The following RNFT2 variants were observed in gnomAD, a reference collection of about 807,000 sequenced individuals.
RNFT2 encodes the protein E3 ubiquitin-protein ligase RNFT2.
Under a neutral mutation model 53.0 loss-of-function variants are expected in RNFT2, and 36 were observed. The observed-to-expected ratio is 0.68, with a 90% CI of 0.52 to 0.90. The LOEUF (loss-of-function observed/expected upper bound fraction) is 0.90. Among genes scored for constraint, RNFT2 ranks in the 40% least tolerant of loss-of-function variants. The pLI is 0.00. For synonymous variants in RNFT2, 260 were observed against 253.2 expected (o/e 1.03, Z -0.26); for missense variants, 514 against 585.6 (o/e 0.88, Z 1.26).
chr12:116,836,074 T>A (rs1876950404), intron 9 of RNFT2, 49 bp downstream of exon 9: 1 of 1,608,130 alleles, frequency 6.2e-7, no homozygotes, highest in African/African-American at 1.3e-5. Context: ...AATCAGGAAC[T>A]GGAAACAGCA....
intron 10 of RNFT2, among the ~76,000 whole-genome samples, chr12:116,843,439 G>A: frequency 7.7e-6 from 1 of 129,212 alleles, no homozygotes; most frequent in Admixed American, 9.9e-5. Flanking sequence ...GCTGCAGTGA[G>A]CCTTAATCAC....
At position 116,841,924 on chromosome 12, in the gene RNFT2, T is replaced by A. The variant is rs1484443794; in HGVS notation, c.1200+5642T>A. On this transcript the variant is annotated intron_variant, in intron 10 of 10. Transcript: ENST00000257575. Reference sequence around the variant, plus strand: ...ATATATATAAATATATATATAAAAATATATATATATAAATATATATATAAA... The same window carrying A: ...ATATATATAAATATATATATAAAAAAATATATATATAAATATATATATAAA... Among the ~76,000 whole-genome samples, 15 of 34,058 alleles carry A rather than the reference T, an allele frequency of 4.4e-4. 1 individual carries two copies. Among genetic ancestry groups the A allele is most frequent in the Admixed American group, 1.2e-3 (2 of 1,638 alleles). The allele number at this position is 34,058 out of a possible 152,430, so 22.3% of individuals were successfully genotyped here. A position where few individuals can be genotyped will look rare whatever the true frequency, so the allele number is the denominator to read the frequency against.
rs1417432742 is a variant in RNFT2, at chr12:116,850,051, G to T, written c.*603G>T. 6.6e-6 allele frequency: 1 copy of T among 150,990 alleles called. No homozygotes were observed. The highest frequency in any genetic ancestry group is 1.5e-5 in the Non-Finnish European group (1 of 67,966). The allele number at this position is 150,990 out of a possible 1,614,324, so 9.4% of individuals were successfully genotyped here. On this transcript the variant is annotated 3_prime_UTR_variant, in exon 11 of 11. Coordinates refer to ENST00000257575, the MANE Select transcript of RNFT2 (RefSeq NM_001382266.1). Reference sequence around the variant, plus strand: ...GTAGAGACAGGGTTTTGCCATGTTGGCCAGGCTGGTCTCCAACTCTTGACC... The same window carrying T: ...GTAGAGACAGGGTTTTGCCATGTTGTCCAGGCTGGTCTCCAACTCTTGACC...
intron 4 of RNFT2, among the ~76,000 whole-genome samples, chr12:116,752,830 A>G (rs945149227): frequency 6.6e-6 from 1 of 152,130 alleles, no homozygotes; most frequent in African/African-American, 2.4e-5. Context: ...GTGAGCTGAG[A>G]TCGCACCACT....
chr12:116,740,129 G>A (rs781092237), intron 1 of RNFT2, among the ~76,000 whole-genome samples: 2 of 151,748 alleles, frequency 1.3e-5, no homozygotes, highest in African/African-American at 2.4e-5. Flanking sequence ...CAGGAGAATC[G>A]CTTGAACCTG....
At position 116,750,244 on chromosome 12, in the gene RNFT2, CT is replaced by C. The variant is rs746719456; in HGVS notation, c.488del (p.Leu163ProfsTer9). On this transcript the variant is annotated frameshift_variant, in exon 4 of 11. Transcript: ENST00000257575. LOFTEE classifies it high-confidence loss of function. Reference sequence around the variant, plus strand: ...CGAGCTGAAGGCTGTGATCTGCTGGCTCCAGAAAGGACTCCCCTTCATCCTG... The same window carrying C: ...CGAGCTGAAGGCTGTGATCTGCTGGCCCAGAAAGGACTCCCCTTCATCCTG... ...LSELKAVICW[L>X]QKGLPFILIL... 6.2e-7 allele frequency: 1 copy of C among 1,607,964 alleles called. No homozygotes were observed. Among genetic ancestry groups the C allele is most frequent in the Admixed American group, 1.7e-5 (1 of 59,918 alleles).
intron 4 of RNFT2, among the ~76,000 whole-genome samples, chr12:116,750,797 GTATATATATATAATA>G (rs1872156604): frequency 5.1e-5 from 4 of 77,930 alleles, no homozygotes; most frequent in Admixed American, 1.9e-4. Context: ...ATGTGTGTGT[GTATATATATATAATA>G]TATATATTAT....
rs1397305774 is a variant in RNFT2, at chr12:116,750,116, G to A, written c.359G>A (p.Gly120Asp). 1 of 1,564,328 alleles carries A rather than the reference G, an allele frequency of 6.4e-7. No individual in the cohort carries two copies. The highest frequency in any genetic ancestry group is 1.2e-5 in the South Asian group (1 of 85,968). Residue 120 changes from glycine (G) to aspartate (D), a missense_variant, in exon 4 of 11, where the codon GGC becomes GAC. Physicochemically the swap from Gly to Asp is moderately conservative, Grantham distance 94 (BLOSUM62 -1). Coordinates refer to ENST00000257575, the MANE Select transcript of RNFT2 (RefSeq NM_001382266.1). ...RQPHHHFHHG[G>D]HRGGSLLQHV... is the part of the protein sequence containing the mutation. Reference sequence around the variant, plus strand: ...CCCCACCACCATTTCCACCATGGCGGCCACCGCGGGGGCTCCCTGCTGCAG... The same window carrying A: ...CCCCACCACCATTTCCACCATGGCGACCACCGCGGGGGCTCCCTGCTGCAG...
chr12:116,742,675 A>G (rs888910574), intron 3 of RNFT2, among the ~76,000 whole-genome samples: 4 of 151,996 alleles, frequency 2.6e-5, no homozygotes, highest in Non-Finnish European at 5.9e-5. Context: ...CCATGCAGTG[A>G]CTCACGCCTG....
chr12:116,760,238 C>A (rs528352684), intron 5 of RNFT2, among the ~76,000 whole-genome samples: 1 of 152,258 alleles, frequency 6.6e-6, no homozygotes, highest in African/African-American at 2.4e-5. Flanking sequence ...AGGTGGAGAG[C>A]GATAGGGGCT....
intron 5 of RNFT2, among the ~76,000 whole-genome samples, chr12:116,760,662 G>A (rs921743723): frequency 2.0e-5 from 3 of 152,160 alleles, no homozygotes; most frequent in Non-Finnish European, 4.4e-5. Context: ...TCCCACTTCC[G>A]CAGTTGGGGC....
At chr12:116,764,827 G>A (rs565637751) in intron 5 of RNFT2, among the ~76,000 whole-genome samples, 1 of 152,338 alleles carries the variant, frequency 6.6e-6, no homozygotes, top group Admixed American at 6.5e-5. Context: ...AGGAGGCGGA[G>A]GTTGCAATGA....
intron 7 of RNFT2, among the ~76,000 whole-genome samples, chr12:116,814,102 T>C (rs1212334622): frequency 6.6e-6 from 1 of 152,132 alleles, no homozygotes; most frequent in Non-Finnish European, 1.5e-5. Context: ...CAGGAGTAGA[T>C]GATGATAGTC....
chr12:116,792,778 G>C (rs1874315839), intron 7 of RNFT2, among the ~76,000 whole-genome samples: 1 of 152,106 alleles, frequency 6.6e-6, no homozygotes, highest in Admixed American at 6.6e-5. Context: ...CTGCAGCGGG[G>C]GGAAGACACA....
intron 7 of RNFT2, among the ~76,000 whole-genome samples, chr12:116,807,907 G>A (rs1875162026): frequency 1.3e-5 from 2 of 152,000 alleles, no homozygotes; most frequent in African/African-American, 2.4e-5. Context: ...GGGCTCAAAC[G>A]ATCCTCCCAC....
Position 116,850,200 on chromosome 12 carries a change from C to T in RNFT2, c.*752C>T, listed in dbSNP as rs1271557409. The T allele has an allele frequency of 7.2e-6, 1 of 138,454 alleles. No homozygotes were observed. Among genetic ancestry groups the T allele is most frequent in the Non-Finnish European group, 1.5e-5 (1 of 66,082 alleles). The allele number at this position is 138,454 out of a possible 1,614,324, so 8.6% of individuals were successfully genotyped here. On this transcript the variant is annotated 3_prime_UTR_variant, in exon 11 of 11. Transcript: ENST00000257575. Reference sequence around the variant, plus strand: ...GACAGGGTCTGGGTCTTCACCCAGGCTGGAGTGCAGTTGGCACAATCACAG... The same window carrying T: ...GACAGGGTCTGGGTCTTCACCCAGGTTGGAGTGCAGTTGGCACAATCACAG...
Position 116,852,938 on chromosome 12 carries a change from A to G in RNFT2, c.*3490A>G. 5.1e-6 allele frequency: 3 copies of G among 592,678 alleles called. No homozygotes were observed. The highest frequency in any genetic ancestry group is 9.0e-6 in the Non-Finnish European group (3 of 335,120). The allele number at this position is 592,678 out of a possible 1,614,324, so 36.7% of individuals were successfully genotyped here. The stretch of plus-strand genomic sequence containing the variant: ...AAACAATAAAACAAAATTCTCTAAC[A>G]CTGCAAAGAGTGAGCCATGCCTGTT... On this transcript the variant is annotated 3_prime_UTR_variant, in exon 11 of 11. Coordinates refer to ENST00000257575, the MANE Select transcript of RNFT2 (RefSeq NM_001382266.1).
chr12:116,816,509 G>A (rs1468573215), intron 7 of RNFT2, among the ~76,000 whole-genome samples: 2 of 152,156 alleles, frequency 1.3e-5, no homozygotes, highest in African/African-American at 4.8e-5. Flanking sequence ...GAAATTGGGG[G>A]TGAGAGGGAG....
chr12:116,802,149 A>G (rs1259421616), intron 7 of RNFT2, among the ~76,000 whole-genome samples: 2 of 152,168 alleles, frequency 1.3e-5, no homozygotes, highest in Non-Finnish European at 2.9e-5. Context: ...AAGGTGTTCT[A>G]TGGTTAAATA....
Sources: allele counts gnomAD v4.1 joint callset (sites outside exome capture counted in the v4.1 genomes callset), GRCh38; gene constraint gnomAD v4.1.1; transcripts MANE v1.5; gene names NCBI Gene and HGNC (gene_info 2026-07-23, HGNC 2026-07-21).